The following ARFGEF2 variants were observed in gnomAD, a reference collection of about 807,000 sequenced individuals.
ARFGEF2 encodes the protein ARF guanine nucleotide exchange factor 2, also known as brefeldin A-inhibited guanine nucleotide-exchange protein 2.
In ARFGEF2, 74 loss-of-function variants were observed where a neutral mutation model predicts 219.9. The observed-to-expected ratio is 0.34, with a 90% confidence interval of 0.28 to 0.41. The LOEUF (loss-of-function observed/expected upper bound fraction) is 0.41, where lower values mean the gene tolerates loss of function less well. Ranked by LOEUF, ARFGEF2 falls within the 10% of genes least tolerant of loss-of-function variation. ARFGEF2 has a pLI of 1.00. For synonymous variants in ARFGEF2, 733 were observed against 799.2 expected, an observed-to-expected ratio of 0.92 and a Z score of 1.40; for missense variants, 1,743 against 2,218.3, an observed-to-expected ratio of 0.79 and a Z score of 4.30.
At chr20:48,925,576 C>G (rs1568684459) in intron 1 of ARFGEF2, among the ~76,000 whole-genome samples, 1 of 152,070 alleles carries the variant, frequency 6.6e-6, no homozygotes, top group Non-Finnish European at 1.5e-5. Context: ...TGGTTCATGC[C>G]TGTAATTCCA....
intron 6 of ARFGEF2, among the ~76,000 whole-genome samples, chr20:48,959,551 TTCCTTCCCTCCCTCCC>T (rs2091131349): frequency 2.4e-5 from 1 of 41,790 alleles, no homozygotes; most frequent in Non-Finnish European, 5.0e-5. Flanking sequence ...CTGTCCCTCC[TTCCTTCCCTCCCTCCC>T]TCCCTCCTTC....
At chr20:49,025,519 G>T in intron 36 of ARFGEF2, 38 bp downstream of exon 36, 1 of 1,611,606 alleles carries the variant, frequency 6.2e-7, no homozygotes, top group Non-Finnish European at 8.5e-7. Flanking sequence ...TGGCCACACT[G>T]GTCACCTTCC....
At chr20:48,999,244 A>C in intron 25 of ARFGEF2, 1 of 453,800 alleles carries the variant, frequency 2.2e-6, no homozygotes, top group Non-Finnish European at 4.4e-6. Context: ...TCTCAGAAAA[A>C]AAAATTAATA....
intron 14 of ARFGEF2, among the ~76,000 whole-genome samples, chr20:48,978,755 C>G (rs1879787408): frequency 6.6e-6 from 1 of 152,112 alleles, no homozygotes; most frequent in Non-Finnish European, 1.5e-5. Context: ...GGAGTTCACT[C>G]ATGATTTGGC....
chr20:49,026,087 C>G (rs1049177421), intron 36 of ARFGEF2, among the ~76,000 whole-genome samples: 2 of 151,910 alleles, frequency 1.3e-5, no homozygotes, highest in African/African-American at 4.8e-5. Flanking sequence ...GTAATCCCAG[C>G]ACTCTGGGAG....
intron 28 of ARFGEF2, 151 bp from the exon 29 acceptor site, chr20:49,013,413 G>A (rs2123525940): frequency 2.1e-6 from 2 of 961,174 alleles, no homozygotes; most frequent in East Asian, 2.4e-5. Flanking sequence ...GACAGATAAT[G>A]TCTTTGTGTA....
At chr20:48,993,493 G>T (rs1370904160) in intron 21 of ARFGEF2, among the ~76,000 whole-genome samples, 1 of 152,192 alleles carries the variant, frequency 6.6e-6, no homozygotes, top group Non-Finnish European at 1.5e-5. Flanking sequence ...AAGATACTCG[G>T]CAGTGCTCAG....
Position 48,952,631 on chromosome 20 carries a change from GA to G in ARFGEF2, c.424-70del, listed in dbSNP as rs1187482423. The stretch of plus-strand genomic sequence containing the variant: ...AAGAAAAACAAAACCAGACCCTCTA[GA>G]AAAGTGTGGCCATAGGAGGGCAGGA... On this transcript the variant is annotated intron_variant, in intron 4 of 38. Transcript: ENST00000371917. 2.1e-6 allele frequency: 3 copies of G among 1,457,422 alleles called. No homozygotes were observed. The African/African-American group carries it at 4.2e-5, about 20-fold the overall frequency. The allele number at this position is 1,457,422 out of a possible 1,614,324, so 90.3% of individuals were successfully genotyped here. A position where few individuals can be genotyped will look rare whatever the true frequency, so the allele number is the denominator to read the frequency against.
At chr20:48,995,424 G>A (rs1434372259) in intron 22 of ARFGEF2, among the ~76,000 whole-genome samples, 3 of 152,178 alleles carry the variant, frequency 2.0e-5, no homozygotes, top group Non-Finnish European at 4.4e-5. Flanking sequence ...AGTCTGTGAA[G>A]CACACCAAGC....
chr20:49,005,562 C>A (rs980269491), intron 26 of ARFGEF2, among the ~76,000 whole-genome samples: 1 of 151,640 alleles, frequency 6.6e-6, no homozygotes, highest in African/African-American at 2.4e-5. Context: ...CACGGTGAAA[C>A]CCCGTCTTTA....
intron 5 of ARFGEF2, among the ~76,000 whole-genome samples, chr20:48,953,229 G>A (rs2091082744): frequency 6.8e-6 from 1 of 146,626 alleles, no homozygotes; most frequent in African/African-American, 2.5e-5. Context: ...AAGCTGGAGC[G>A]CAGTGACAGG....
Position 48,985,513 on chromosome 20 carries a change from C to T in ARFGEF2, c.2176C>T (p.Leu726=), listed in dbSNP as rs754860387. 2 of 1,614,204 alleles carry T rather than the reference C, an allele frequency of 1.2e-6. No individual in the cohort carries two copies. The highest frequency in any genetic ancestry group is 1.3e-5 in the African/African-American group (1 of 75,046). The change falls in exon 16 of 39, where the codon CTG becomes TTG. Residue 726 remains leucine, a synonymous_variant. Transcript: ENST00000371917. ...DFCEKEFVSA[L]RTFLEGFRLP... ...CTGTGAAAAAGAATTTGTCTCAGCC[C>T]TGCGGACATTCCTAGAAGGTTTCCG...
chr20:48,976,269 A>C lies in ARFGEF2; in HGVS notation c.1958+70A>C, dbSNP rs145273315. 1.8e-4 allele frequency: 277 copies of C among 1,568,302 alleles called. 2 individuals are homozygous for C. The African/African-American group carries it at 3.5e-3, about 20-fold the overall frequency. ...TATTTTCTCTGGGAACCTGGAACTG[A>C]TTCCTAAAAAGGAAATGCCTGTTTA... On this transcript the variant is annotated intron_variant, in intron 14 of 38. Transcript: ENST00000371917.
intron 6 of ARFGEF2, among the ~76,000 whole-genome samples, chr20:48,958,454 T>G (rs1334201600): frequency 6.6e-6 from 1 of 151,680 alleles, no homozygotes; most frequent in Non-Finnish European, 1.5e-5. Context: ...TTTTTTTTTT[T>G]GAGACGGAGT....
rs1210548683 is a variant in ARFGEF2, at chr20:48,953,580, A to C, written c.628A>C (p.Lys210Gln). 4 of 1,614,068 alleles carry C rather than the reference A, an allele frequency of 2.5e-6. No individual in the cohort carries two copies. The highest frequency in any genetic ancestry group is 1.1e-5 in the South Asian group (1 of 91,092). The change falls in exon 6 of 39, where the codon AAA becomes CAA. Residue 210 changes from lysine to glutamine, a missense_variant. By Grantham distance (53) the Lys-to-Gln change is moderately conservative. This residue lies in a region of ARFGEF2 where 394 missense variants were observed against 426.6 expected (regional missense o/e 0.92). Transcript: ENST00000371917. ...QVLQEARELE[K>Q]PIQSKPQSPV... Reference sequence around the variant, plus strand: ...GTTGCAGGAGGCCAGAGAACTGGAAAAACCAATCCAGTCAAAACCCCAGTC... The same window carrying C: ...GTTGCAGGAGGCCAGAGAACTGGAACAACCAATCCAGTCAAAACCCCAGTC...
In ARFGEF2 at chr20:48,952,786, A is replaced by T; in HGVS notation, c.505A>T (p.Ile169Phe). ...ILQTVRTCYNIYLASKNLINQ... is the reference protein window; with the variant it reads ...ILQTVRTCYNFYLASKNLINQ... ...GCAGACAGTGAGAACATGTTACAAT[A>T]TCTATTTGGCCAGCAAAAATCTCAT... Residue 169 changes from isoleucine to phenylalanine, a missense_variant, in exon 5 of 39, where the codon ATC becomes TTC. Physicochemically the swap from Ile to Phe is conservative, Grantham distance 21 (BLOSUM62 0). Transcript: ENST00000371917. 2.5e-6 allele frequency: 4 copies of T among 1,614,220 alleles called. No homozygotes were observed. Among genetic ancestry groups the T allele is most frequent in the Non-Finnish European group, 3.4e-6 (4 of 1,180,012 alleles).
chr20:48,993,416 CAG>C (rs956842732), intron 21 of ARFGEF2, among the ~76,000 whole-genome samples: 3 of 152,114 alleles, frequency 2.0e-5, no homozygotes, highest in Non-Finnish European at 2.9e-5. Flanking sequence ...GTGAAGAAAT[CAG>C]GGGATGATTC....
Position 49,028,605 on chromosome 20 carries a change from T to C in ARFGEF2, c.5000T>C (p.Phe1667Ser). ...SSLACCLRIL[F>S]RMYVDENRRD... ...CTGGCCTGTTGTTTGAGGATCCTGT[T>C]TCGAATGTATGTTGATGAGAACCGC... Residue 1667 changes from phenylalanine to serine, a missense_variant, in exon 37 of 39, where the codon TTT becomes TCT. Around this residue, in one of 5 missense-constraint regions of ARFGEF2, gnomAD observed 578 missense variants for 664.0 expected, o/e 0.87. Coordinates refer to ENST00000371917, the MANE Select transcript of ARFGEF2 (RefSeq NM_006420.3). 1 of 1,614,142 alleles carries C rather than the reference T, an allele frequency of 6.2e-7. No homozygotes were observed. The highest frequency in any genetic ancestry group is 8.5e-7 in the Non-Finnish European group (1 of 1,180,008).
At chr20:48,961,110 A>AATAATAATAATAATAATAATT (rs1486477179) in intron 6 of ARFGEF2, among the ~76,000 whole-genome samples, 2 of 148,836 alleles carry the variant, frequency 1.3e-5, no homozygotes, top group Non-Finnish European at 3.0e-5. Context: ...TAATAATAAT[A>AATAATAATAATAATAATAATT]ATTTTCTTTA....
Sources: allele counts gnomAD v4.1 joint callset (sites outside exome capture counted in the v4.1 genomes callset), GRCh38; gene constraint gnomAD v4.1.1; regional missense constraint gnomAD v4.1.1; transcripts MANE v1.5; gene names NCBI Gene and HGNC (gene_info 2026-07-23, HGNC 2026-07-21).